The following SBF2 variants were observed in gnomAD, a reference collection of about 807,000 sequenced individuals.
SBF2 encodes the protein SET binding factor 2.
In SBF2, 112 loss-of-function variants were observed where a neutral mutation model predicts 225.2. The ratio of observed to expected loss-of-function variants is 0.50; its 90% CI spans 0.43 to 0.58. The LOEUF is 0.58. Among genes scored for constraint, SBF2 ranks in the 20% least tolerant of loss-of-function variants. SBF2 has a pLI of 0.00. For missense variants in SBF2, 1,996 were observed against 2,206.2 expected (o/e 0.90, Z 1.91); for synonymous variants, 763 against 773.3 (o/e 0.99, Z 0.22).
chr11:9,896,803 G>C (rs1467766498), intron 16 of SBF2, among the ~76,000 whole-genome samples: 1 of 151,322 alleles, frequency 6.6e-6, no homozygotes, highest in Non-Finnish European at 1.5e-5. Flanking sequence ...AAAAAAAAAG[G>C]GGGGTGGGGC....
intron 26 of SBF2, among the ~76,000 whole-genome samples, chr11:9,834,252 C>T (rs1189136601): frequency 1.3e-5 from 2 of 151,884 alleles, no homozygotes; most frequent in African/African-American, 2.4e-5. Context: ...GCCACCACAC[C>T]TGGCTAATTT....
chr11:9,811,562 A>G (rs1854186591), intron 30 of SBF2, among the ~76,000 whole-genome samples: 1 of 152,192 alleles, frequency 6.6e-6, no homozygotes, highest in Admixed American at 6.5e-5. Flanking sequence ...GGGAGTATCG[A>G]CCAGTTCCTT....
intron 2 of SBF2, among the ~76,000 whole-genome samples, chr11:10,174,923 T>C (rs1480172581): frequency 6.7e-6 from 1 of 149,580 alleles, no homozygotes; most frequent in Non-Finnish European, 1.5e-5. Flanking sequence ...ACTTCATAAG[T>C]GAAGGAGAAA....
At chr11:10,131,100 G>A (rs1056276162) in intron 2 of SBF2, among the ~76,000 whole-genome samples, 2 of 152,132 alleles carry the variant, frequency 1.3e-5, no homozygotes, top group Admixed American at 6.5e-5. Context: ...TTAAGAAATT[G>A]CTAAACCGTT....
chr11:10,264,354 C>T (rs962367912), intron 1 of SBF2, among the ~76,000 whole-genome samples: 2 of 152,086 alleles, frequency 1.3e-5, no homozygotes, highest in South Asian at 4.2e-4. Flanking sequence ...CCTATGTATA[C>T]TAAAAATTCT....
chr11:10,153,701 C>T (rs886396315), intron 2 of SBF2, among the ~76,000 whole-genome samples: 5 of 150,814 alleles, frequency 3.3e-5, no homozygotes, highest in African/African-American at 9.8e-5. Context: ...AAAGTGGTAA[C>T]AAAAGTAACA....
chr11:9,908,877 G>A (rs1224861982), intron 16 of SBF2, among the ~76,000 whole-genome samples: 2 of 144,528 alleles, frequency 1.4e-5, no homozygotes, highest in Non-Finnish European at 3.0e-5. Flanking sequence ...TTGTAAAGAT[G>A]AGGTTCCGCC....
chr11:9,870,057 A>C (rs1477188179), intron 17 of SBF2, among the ~76,000 whole-genome samples: 1 of 152,144 alleles, frequency 6.6e-6, no homozygotes, highest in Non-Finnish European at 1.5e-5. Flanking sequence ...CTATATACCA[A>C]CAACAGGCAA....
At chr11:10,211,529 G>C (rs1171455894) in intron 1 of SBF2, among the ~76,000 whole-genome samples, 1 of 152,134 alleles carries the variant, frequency 6.6e-6, no homozygotes, top group Non-Finnish European at 1.5e-5. Flanking sequence ...ATTTTTTATG[G>C]ACTTCATGTC....
rs145505000 is a variant in SBF2, at chr11:10,277,602, G to A, written c.55+16413C>T. 8.5e-5 allele frequency among the ~76,000 whole-genome samples: 13 copies of A among 152,182 alleles called. No homozygotes were observed. The East Asian group carries it at 2.5e-3, about 29-fold the overall frequency. ...AGAATCTCATAATGTGACTTTATTT[G>A]GAAACAGGGTCTTTGCAGATATAGT... On this transcript the variant is annotated intron_variant, in intron 1 of 39. Transcript: ENST00000256190.
At chr11:9,828,665 C>T in intron 28 of SBF2, 1 of 984,494 alleles carries the variant, frequency 1.0e-6, no homozygotes, top group South Asian at 4.7e-5. Flanking sequence ...GTCTTAATGG[C>T]TTCATCCAAA....
intron 2 of SBF2, among the ~76,000 whole-genome samples, chr11:10,059,730 T>C (rs1950364369): frequency 6.6e-6 from 1 of 152,140 alleles, no homozygotes; most frequent in African/African-American, 2.4e-5. Flanking sequence ...TGAAAATTGC[T>C]CAAAACCATA....
At chr11:9,884,386 A>T (rs184401311) in intron 17 of SBF2, among the ~76,000 whole-genome samples, 6 of 27,310 alleles carry the variant, frequency 2.2e-4, no homozygotes, top group South Asian at 1.7e-3. Context: ...TCCTACTTTT[A>T]AAAAAAATGT....
intron 16 of SBF2, among the ~76,000 whole-genome samples, chr11:9,946,364 C>T (rs1349783167): frequency 6.6e-6 from 1 of 152,120 alleles, no homozygotes; most frequent in African/African-American, 2.4e-5. Flanking sequence ...CACATGCACC[C>T]CCTGAACCTG....
chr11:10,213,437 G>C (rs922872036), intron 1 of SBF2, among the ~76,000 whole-genome samples: 1 of 152,146 alleles, frequency 6.6e-6, no homozygotes, highest in Non-Finnish European at 1.5e-5. Flanking sequence ...TCTCATAGAT[G>C]AATCTACATT....
At chr11:10,225,510 A>G (rs1958505248) in intron 1 of SBF2, among the ~76,000 whole-genome samples, 1 of 152,038 alleles carries the variant, frequency 6.6e-6, no homozygotes, top group South Asian at 2.1e-4. Context: ...CTAGTCATAG[A>G]GGTTGTATTT....
At chr11:9,864,377 G>A (rs1288157171) in intron 17 of SBF2, among the ~76,000 whole-genome samples, 1 of 144,508 alleles carries the variant, frequency 6.9e-6, no homozygotes, top group African/African-American at 2.4e-5. Context: ...CAGTAGTTGG[G>A]ATGAATGGAT....
At chr11:10,166,988 C>T in intron 2 of SBF2, among the ~76,000 whole-genome samples, 1 of 151,534 alleles carries the variant, frequency 6.6e-6, no homozygotes, top group Non-Finnish European at 1.5e-5. Flanking sequence ...CACACACACA[C>T]AAAAAGGCTA....
At chr11:10,048,464 T>G (rs1257574483) in intron 2 of SBF2, among the ~76,000 whole-genome samples, 5 of 152,236 alleles carry the variant, frequency 3.3e-5, no homozygotes, top group Non-Finnish European at 7.3e-5. Context: ...AGCTGCACAT[T>G]TGCAATAAAA....
Sources: gnomAD v4.1 joint callset for allele counts (sites outside exome capture counted in the v4.1 genomes callset) on GRCh38, gnomAD v4.1.1 for gene constraint, MANE v1.5 for transcripts, NCBI Gene and HGNC (gene_info 2026-07-23, HGNC 2026-07-21) for gene names.